The following SPECC1 variants were observed in gnomAD, a reference collection of about 807,000 sequenced individuals.
The protein encoded by SPECC1 is cytospin-B.
SPECC1 carries 62 observed loss-of-function variants against 104.1 expected under a neutral mutation model. The observed-to-expected ratio is 0.60, with a 90% CI of 0.49 to 0.74. The LOEUF (loss-of-function observed/expected upper bound fraction) is 0.74. SPECC1 is among the 30% of genes least tolerant of loss of function. The pLI is 0.00. For missense variants in SPECC1, 1,306 were observed against 1,310.5 expected (o/e 1.00, Z 0.05); for synonymous variants, 513 against 501.6 (o/e 1.02, Z -0.30).
At position 20,098,367 on chromosome 17, in the gene SPECC1, C is replaced by G. The variant is rs149883645; in HGVS notation, c.147+1569C>G. ...AATATGTGTCAACTCCAACCAATTC[C>G]CACTGCCTCCCTTGTGACCAGTTGG... is the stretch of plus-strand genomic sequence containing the variant. On this transcript the variant is annotated intron_variant, in intron 2 of 14. Transcript: ENST00000395527. Among the ~76,000 whole-genome samples, 1,003 of 152,296 alleles carry G rather than the reference C, an allele frequency of 6.6e-3. 10 individuals are homozygous for G. Among genetic ancestry groups the G allele is most frequent in the African/African-American group, 0.023 (941 of 41,552 alleles).
intron 1 of SPECC1, among the ~76,000 whole-genome samples, chr17:20,015,580 C>CT (rs2044087170): frequency 1.1e-5 from 1 of 87,004 alleles, no homozygotes; most frequent in African/African-American, 3.9e-5. Flanking sequence ...CTTTCCGGGT[C>CT]TCTATTTTTT....
intron 12 of SPECC1, among the ~76,000 whole-genome samples, chr17:20,261,632 A>T (rs930412688): frequency 1.3e-5 from 2 of 151,994 alleles, no homozygotes; most frequent in African/African-American, 4.8e-5. Context: ...GGTCCTATGT[A>T]GTTGGGCCTC....
intron 7 of SPECC1, among the ~76,000 whole-genome samples, chr17:20,235,537 A>C (rs1209266954): frequency 1.3e-5 from 2 of 152,182 alleles, no homozygotes; most frequent in Non-Finnish European, 2.9e-5. Context: ...ATGTAATGAT[A>C]TATTGTGCCG....
intron 4 of SPECC1, among the ~76,000 whole-genome samples, chr17:20,226,848 G>GAAGGATTT (rs2038240655): frequency 1.3e-5 from 2 of 152,174 alleles, no homozygotes; most frequent in African/African-American, 4.8e-5. Flanking sequence ...AAGCATTGCA[G>GAAGGATTT]CCCCAAGTAT....
At chr17:20,060,318 C>T (rs527741269) in intron 1 of SPECC1, among the ~76,000 whole-genome samples, 5 of 152,204 alleles carry the variant, frequency 3.3e-5, no homozygotes, top group South Asian at 2.1e-4. Flanking sequence ...AAAGCTTATG[C>T]GGTTTCTACA....
chr17:20,176,310 T>A (rs2034468319), intron 3 of SPECC1, among the ~76,000 whole-genome samples: 1 of 152,228 alleles, frequency 6.6e-6, no homozygotes, highest in Admixed American at 6.5e-5. Context: ...TTTTCTTTTG[T>A]CTTCTCCGCC....
At chr17:20,169,771 G>C (rs2033944830) in intron 3 of SPECC1, among the ~76,000 whole-genome samples, 1 of 152,020 alleles carries the variant, frequency 6.6e-6, no homozygotes, top group African/African-American at 2.4e-5. Flanking sequence ...CCAAAATGCT[G>C]GTGTAACAGG....
intron 12 of SPECC1, among the ~76,000 whole-genome samples, chr17:20,295,863 G>A (rs556515251): frequency 6.6e-6 from 1 of 152,026 alleles, no homozygotes; most frequent in South Asian, 2.1e-4. Flanking sequence ...TTTTTGATGG[G>A]GTTGTTTGAT....
At chr17:20,131,447 A>G (rs1268492071) in intron 3 of SPECC1, among the ~76,000 whole-genome samples, 1 of 151,942 alleles carries the variant, frequency 6.6e-6, no homozygotes, top group Non-Finnish European at 1.5e-5. Flanking sequence ...CCAGAGTGCC[A>G]GGATTACAGG....
chr17:20,156,064 C>G (rs1015353128), intron 3 of SPECC1: 1 of 1,303,300 alleles, frequency 7.7e-7, no homozygotes, highest in Non-Finnish European at 9.8e-7. Flanking sequence ...AACTGGAAGG[C>G]GCCCGGTCCT....
At chr17:20,259,687 A>T (rs1046510721) in intron 11 of SPECC1, among the ~76,000 whole-genome samples, 22 of 150,998 alleles carry the variant, frequency 1.5e-4, no homozygotes, top group African/African-American at 5.4e-4. Context: ...TTTATTTTTT[A>T]TTTTTTTAAA....
intron 1 of SPECC1, among the ~76,000 whole-genome samples, chr17:20,032,930 A>ACG (rs1016750679): frequency 6.0e-5 from 9 of 150,600 alleles, no homozygotes; most frequent in East Asian, 1.9e-4. Flanking sequence ...ATATACACAC[A>ACG]CGCGCGCACA....
At chr17:20,069,854 A>G (rs1407705280) in intron 1 of SPECC1, among the ~76,000 whole-genome samples, 1 of 152,024 alleles carries the variant, frequency 6.6e-6, no homozygotes, top group Non-Finnish European at 1.5e-5. Context: ...GTTAAACATA[A>G]ATATTTTATT....
intron 4 of SPECC1, among the ~76,000 whole-genome samples, chr17:20,225,975 G>A (rs2038178506): frequency 6.6e-6 from 1 of 152,106 alleles, no homozygotes; most frequent in Non-Finnish European, 1.5e-5. Context: ...GTGTGATGCT[G>A]TGTAGATACT....
chr17:20,112,729 CA>C (rs2048555530), intron 3 of SPECC1: 1 of 1,207,294 alleles, frequency 8.3e-7, no homozygotes, highest in African/African-American at 1.5e-5. Context: ...GTCTTAAAGC[CA>C]ATTTAGAAGG....
chr17:20,183,393 G>A (rs2035042997), intron 3 of SPECC1, among the ~76,000 whole-genome samples: 1 of 152,164 alleles, frequency 6.6e-6, no homozygotes, highest in Non-Finnish European at 1.5e-5. Context: ...CATACTTAAC[G>A]TTGCAAATGT....
intron 1 of SPECC1, among the ~76,000 whole-genome samples, chr17:20,058,659 T>TA (rs895332019): frequency 6.6e-6 from 1 of 151,578 alleles, no homozygotes; most frequent in Non-Finnish European, 1.5e-5. Context: ...ACCGTGTATT[T>TA]AAAAAAAAGT....
chr17:20,197,788 A>G (rs755560457), intron 3 of SPECC1, among the ~76,000 whole-genome samples: 1 of 152,230 alleles, frequency 6.6e-6, no homozygotes, highest in Non-Finnish European at 1.5e-5. Flanking sequence ...GTGGGCCTGC[A>G]GGTATTCTAA....
At chr17:20,244,693 ATAAC>A (rs1481982532) in intron 7 of SPECC1, among the ~76,000 whole-genome samples, 1 of 146,678 alleles carries the variant, frequency 6.8e-6, no homozygotes, top group Non-Finnish European at 1.6e-5. Context: ...TGATCAGTAA[ATAAC>A]TATTTTATTT....
Sources: gnomAD v4.1 joint callset for allele counts (sites outside exome capture counted in the v4.1 genomes callset) on GRCh38, gnomAD v4.1.1 for gene constraint, MANE v1.5 for transcripts, NCBI Gene and HGNC (gene_info 2026-07-23, HGNC 2026-07-21) for gene names.